KLF17: variants seen among roughly 807,000 people sequenced by gnomAD.
KLF17 encodes Krueppel-like factor 17.
KLF17 carries 31 observed loss-of-function variants against 34.2 expected under a neutral mutation model. The observed-to-expected ratio is 0.91, with a 90% CI of 0.68 to 1.22. The LOEUF is 1.22. Ranked by LOEUF, KLF17 falls within the 50% of genes most tolerant of loss-of-function variation. KLF17 has a pLI of 0.00. For synonymous variants in KLF17, 179 were observed against 186.7 expected (o/e 0.96, Z 0.34); for missense variants, 478 against 505.2 (o/e 0.95, Z 0.52).
chr1:44,100,887 T>C, the KLF17 span, among the ~76,000 whole-genome samples: 1 of 152,322 alleles, frequency 6.6e-6, no homozygotes, highest in Admixed American at 6.5e-5. Context: ...GAAGTTTTAC[T>C]GCCCTAAAAA....
At chr1:44,112,858 T>G in the KLF17 span, among the ~76,000 whole-genome samples, 1 of 152,216 alleles carries the variant, frequency 6.6e-6, no homozygotes, top group Admixed American at 6.5e-5. Flanking sequence ...TCTATCTACC[T>G]CTTCATTTGA....
At chr1:44,094,753 G>A in the KLF17 span, among the ~76,000 whole-genome samples, 1 of 152,090 alleles carries the variant, frequency 6.6e-6, no homozygotes, top group East Asian at 1.9e-4. Flanking sequence ...TAATTCTGTA[G>A]TATAATTTGA....
the KLF17 span, among the ~76,000 whole-genome samples, chr1:44,078,792 A>T: frequency 6.6e-6 from 1 of 151,844 alleles, no homozygotes; most frequent in African/African-American, 2.4e-5. Flanking sequence ...CCAGCTAGGC[A>T]CCCCCACAAC....
the KLF17 span, among the ~76,000 whole-genome samples, chr1:44,078,915 G>A: frequency 5.3e-5 from 8 of 152,106 alleles, no homozygotes; most frequent in Non-Finnish European, 7.4e-5. Flanking sequence ...ACCCTCTACA[G>A]GGAGGTCTGA....
the KLF17 span, among the ~76,000 whole-genome samples, chr1:44,113,097 A>T: frequency 4.6e-5 from 7 of 152,174 alleles, no homozygotes; most frequent in Non-Finnish European, 8.8e-5. Flanking sequence ...CTCAAAGTTG[A>T]TTTGTTCAAA....
At chr1:44,085,142 G>T in the KLF17 span, among the ~76,000 whole-genome samples, 1 of 151,776 alleles carries the variant, frequency 6.6e-6, no homozygotes, top group Non-Finnish European at 1.5e-5. Flanking sequence ...ATATATGTGT[G>T]TGTATATATA....
At chr1:44,054,641 C>CT in the KLF17 span, among the ~76,000 whole-genome samples, 2 of 148,946 alleles carry the variant, frequency 1.3e-5, no homozygotes, top group African/African-American at 5.0e-5. Context: ...CCACCATGAC[C>CT]GGCTAATTTT....
At position 44,134,991 on chromosome 1, in the gene KLF17, T is replaced by A. The variant is rs1261376895; in HGVS notation, c.*1754T>A. The A allele has an allele frequency of 6.6e-6, 1 of 151,904 alleles. No homozygotes were observed. Among genetic ancestry groups the A allele is most frequent in the Non-Finnish European group, 1.5e-5 (1 of 67,958 alleles). The allele number at this position is 151,904 out of a possible 1,614,324, so 9.4% of individuals were successfully genotyped here. A position where few individuals can be genotyped will look rare whatever the true frequency, so the allele number is the denominator to read the frequency against. ...AAAAAATATTTTGTATATATCCAAT[T>A]TAATAATAAATGCACTCATGTTAGG... On this transcript the variant is annotated 3_prime_UTR_variant, in exon 4 of 4. Coordinates refer to ENST00000372299, the MANE Select transcript of KLF17 (RefSeq NM_173484.4).
At chr1:44,099,857 GAAAGAAAGAAAGAAAGA>G in the KLF17 span, among the ~76,000 whole-genome samples, 1 of 97,014 alleles carries the variant, frequency 1.0e-5, no homozygotes, top group African/African-American at 4.3e-5. Flanking sequence ...AAGAAAGAAA[GAAAGAAAGAAAGAAAGA>G]AAGAAAGAAA....
chr1:44,108,848 G>C, the KLF17 span, among the ~76,000 whole-genome samples: 1 of 151,830 alleles, frequency 6.6e-6, no homozygotes, highest in Admixed American at 6.6e-5. Context: ...TGTATTTTTA[G>C]TAGAAATGGG....
At chr1:44,102,605 C>G in the KLF17 span, among the ~76,000 whole-genome samples, 3 of 99,122 alleles carry the variant, frequency 3.0e-5, no homozygotes, top group Non-Finnish European at 4.6e-5. Flanking sequence ...CACACACACA[C>G]ACACACACAG....
the KLF17 span, among the ~76,000 whole-genome samples, chr1:44,095,669 T>C: frequency 6.6e-6 from 1 of 152,230 alleles, no homozygotes; most frequent in Non-Finnish European, 1.5e-5. Context: ...TCTTTCCATT[T>C]TTTGGTATCC....
At chr1:44,078,560 C>T in the KLF17 span, among the ~76,000 whole-genome samples, 4 of 152,138 alleles carry the variant, frequency 2.6e-5, no homozygotes, top group Non-Finnish European at 4.4e-5. Context: ...GCCTCAGCCC[C>T]CTGAGTAGCT....
At chr1:44,078,419 C>G in the KLF17 span, among the ~76,000 whole-genome samples, 1 of 148,510 alleles carries the variant, frequency 6.7e-6, no homozygotes, top group Admixed American at 6.8e-5. Flanking sequence ...CTTCCCGGTT[C>G]TGGGGCTTTT....
chr1:44,103,819 C>A, the KLF17 span: 1 of 816,164 alleles, frequency 1.2e-6, no homozygotes. Flanking sequence ...CACTCAGTCT[C>A]AGCCTGGAGC....
chr1:44,127,535 C>A (rs1571989700), intron 1 of KLF17, among the ~76,000 whole-genome samples: 2 of 147,868 alleles, frequency 1.4e-5, no homozygotes, highest in Admixed American at 1.4e-4. Context: ...CCCTCCTTCC[C>A]TCCTTCCTTC....
At position 44,133,601 on chromosome 1, in the gene KLF17, A is replaced by G. The variant is rs1360008422; in HGVS notation, c.*364A>G. On this transcript the variant is annotated 3_prime_UTR_variant, in exon 4 of 4. Coordinates refer to ENST00000372299, the MANE Select transcript of KLF17 (RefSeq NM_173484.4). ...CCTGCCTCTGCAGAGCAGAAAGATCATAGACAACATTTATGAATGTGCCCA... is the reference window on the plus strand; with the variant it reads ...CCTGCCTCTGCAGAGCAGAAAGATCGTAGACAACATTTATGAATGTGCCCA... The G allele has an allele frequency of 2.0e-5, 3 of 152,302 alleles. No individual in the cohort carries two copies. Among genetic ancestry groups the G allele is most frequent in the African/African-American group, 7.2e-5 (3 of 41,464 alleles). The allele number at this position is 152,302 out of a possible 1,614,324, so 9.4% of individuals were successfully genotyped here.
At chr1:44,047,401 GGGA>G in the KLF17 span, among the ~76,000 whole-genome samples, 5 of 152,306 alleles carry the variant, frequency 3.3e-5, no homozygotes, top group East Asian at 9.6e-4. Flanking sequence ...GTGGTAGGGA[GGGA>G]GGAGGAGGAC....
chr1:44,077,923 G>A, the KLF17 span, among the ~76,000 whole-genome samples: 1 of 152,200 alleles, frequency 6.6e-6, no homozygotes, highest in Non-Finnish European at 1.5e-5. Context: ...GAAGTACGTG[G>A]AATTGGAGTT....
Sources: allele counts gnomAD v4.1 joint callset (sites outside exome capture counted in the v4.1 genomes callset), GRCh38; gene constraint gnomAD v4.1.1; transcripts MANE v1.5; gene names NCBI Gene and HGNC (gene_info 2026-07-23, HGNC 2026-07-21).